Variants in ABCC12 observed in about 807,000 individuals in gnomAD.
ABCC12 encodes ATP binding cassette subfamily C member 12.
In ABCC12, 142 loss-of-function variants were observed where a neutral mutation model predicts 151.1. The observed-to-expected ratio is 0.94, with a 90% CI of 0.82 to 1.08. The LOEUF is 1.08. Among genes scored for constraint, ABCC12 ranks in the 50% least tolerant of loss-of-function variants. The pLI is 0.00. For synonymous variants in ABCC12, 645 were observed against 646.4 expected (o/e 1.00, Z 0.03); for missense variants, 1,638 against 1,691.1 (o/e 0.97, Z 0.55).
intron 13 of ABCC12, among the ~76,000 whole-genome samples, chr16:48,120,138 T>C (rs1409981998): frequency 6.6e-6 from 1 of 152,198 alleles, no homozygotes; most frequent in Non-Finnish European, 1.5e-5. Flanking sequence ...TAGAATACTA[T>C]GCAGCCGTAA....
At chr16:48,121,637 C>T (rs780467291) in intron 13 of ABCC12, 79 bp downstream of exon 13, 3 of 1,557,922 alleles carry the variant, frequency 1.9e-6, no homozygotes, top group Non-Finnish European at 8.8e-7. Flanking sequence ...ACTTAGCAGT[C>T]ATTACCAACA....
At chr16:48,105,863 C>T (rs1485664436) in intron 20 of ABCC12, among the ~76,000 whole-genome samples, 2 of 152,160 alleles carry the variant, frequency 1.3e-5, no homozygotes, top group Non-Finnish European at 2.9e-5. Flanking sequence ...CTTTCTTTTT[C>T]CCAAGGGGTA....
intron 13 of ABCC12, 94 bp from the exon 14 acceptor site, chr16:48,117,427 G>T: frequency 1.4e-6 from 2 of 1,385,922 alleles, no homozygotes; most frequent in Non-Finnish European, 2.0e-6. Context: ...TGTTGCTGGG[G>T]CAAGGCCAGG....
At chr16:48,114,579 T>C (rs1282015255) in intron 15 of ABCC12, among the ~76,000 whole-genome samples, 1 of 152,112 alleles carries the variant, frequency 6.6e-6, no homozygotes, top group Non-Finnish European at 1.5e-5. Flanking sequence ...CCAAGGAATC[T>C]CTCGTCGGGC....
At chr16:48,094,216 A>G (rs1240975175) in intron 24 of ABCC12, among the ~76,000 whole-genome samples, 6 of 152,240 alleles carry the variant, frequency 3.9e-5, no homozygotes, top group African/African-American at 1.4e-4. Flanking sequence ...CAATACAGGA[A>G]ACTGGTTACC....
intron 13 of ABCC12, among the ~76,000 whole-genome samples, chr16:48,118,152 C>T (rs888040397): frequency 1.3e-5 from 2 of 152,176 alleles, no homozygotes; most frequent in African/African-American, 2.4e-5. Context: ...AGCCCCACAG[C>T]GGTCCCCAGG....
Position 48,128,492 on chromosome 16 carries a change from C to T in ABCC12, c.1482G>A (p.Ser494=), listed in dbSNP as rs568804345. Residue 494 remains serine, a synonymous_variant, in exon 11 of 31, where the codon TCG becomes TCA. Coordinates refer to ENST00000311303, the MANE Select transcript of ABCC12 (RefSeq NM_001393797.1). ...GPEEQSDSLK[S]VLHSISFVVR... is the part of the protein sequence containing the mutation. ...CCACAAAGCTTATGCTGTGCAGAACCGATTTGAGGCTGTCACTTTGCTCCT... is the reference window on the plus strand; with the variant it reads ...CCACAAAGCTTATGCTGTGCAGAACTGATTTGAGGCTGTCACTTTGCTCCT... 2.2e-5 allele frequency: 36 copies of T among 1,614,088 alleles called. No individual in the cohort carries two copies. The Admixed American group carries it at 4.2e-4, about 19-fold the overall frequency.
At chr16:48,100,769 T>A (rs1963275952) in intron 23 of ABCC12, 103 bp downstream of exon 23, 1 of 1,365,386 alleles carries the variant, frequency 7.3e-7, no homozygotes. Context: ...TCTTTGTCTG[T>A]GATCAGTCCC....
intron 2 of ABCC12, among the ~76,000 whole-genome samples, chr16:48,148,113 A>G (rs1233525232): frequency 6.6e-6 from 1 of 152,068 alleles, no homozygotes; most frequent in Non-Finnish European, 1.5e-5. Context: ...GCGTCTGGCT[A>G]ATTTTTGTAT....
At chr16:48,091,065 C>T (rs1477755497) in intron 25 of ABCC12, 55 bp downstream of exon 25, 2 of 1,553,906 alleles carry the variant, frequency 1.3e-6, no homozygotes, top group Middle Eastern at 1.7e-4. Flanking sequence ...CCAGTATTTG[C>T]CCAAGTCCTG....
rs1962625200 is a variant in ABCC12 at position 48,086,779 on chromosome 16, G to A, written c.3676C>T (p.Leu1226Phe). The A allele has an allele frequency of 1.9e-6, 3 of 1,614,068 alleles. No individual in the cohort carries two copies. Among genetic ancestry groups the A allele is most frequent in the South Asian group, 2.2e-5 (2 of 91,074 alleles). ...AATGTTCTCTCCAGAACCTGCCAGAGCATCTCATCGGTGTGACTCTCAAAG... is the reference window on the plus strand; with the variant it reads ...AATGTTCTCTCCAGAACCTGCCAGAACATCTCATCGGTGTGACTCTCAAAG... ...DPFESHTDEMLWQVLERTFMR... is the reference protein window; with the variant it reads ...DPFESHTDEMFWQVLERTFMR... The change falls in exon 28 of 31, where the codon CTC becomes TTC. Residue 1226 changes from leucine (L) to phenylalanine (F), a missense_variant. Physicochemically the swap from Leu to Phe is conservative, Grantham distance 22. Coordinates refer to ENST00000311303, the MANE Select transcript of ABCC12 (RefSeq NM_001393797.1).
intron 9 of ABCC12, among the ~76,000 whole-genome samples, chr16:48,132,462 G>C (rs898182264): frequency 6.6e-6 from 1 of 152,186 alleles, no homozygotes; most frequent in Middle Eastern, 3.4e-3. Context: ...TTCCTCCCCC[G>C]TGAGGTCCCT....
chr16:48,088,221 T>A, intron 26 of ABCC12, 136 bp from the exon 27 acceptor site: 4 of 1,043,068 alleles, frequency 3.8e-6, no homozygotes, highest in Non-Finnish European at 5.5e-6. Context: ...GAAAGTGTCC[T>A]CACCAGGGTG....
At chr16:48,152,040 G>T (rs995361231) in intron 2 of ABCC12, among the ~76,000 whole-genome samples, 2 of 152,190 alleles carry the variant, frequency 1.3e-5, no homozygotes, top group African/African-American at 4.8e-5. Flanking sequence ...CCAGACTTAG[G>T]TAAGAGTCGA....
chr16:48,105,666 A>G (rs934863340), intron 20 of ABCC12, among the ~76,000 whole-genome samples: 5 of 152,210 alleles, frequency 3.3e-5, no homozygotes, highest in African/African-American at 1.2e-4. Flanking sequence ...TGGGCTGGGA[A>G]GATCAGAGAG....
At chr16:48,097,567 C>T (rs1056161772) in intron 23 of ABCC12, among the ~76,000 whole-genome samples, 4 of 152,156 alleles carry the variant, frequency 2.6e-5, no homozygotes, top group Non-Finnish European at 4.4e-5. Context: ...AGCGGAGTGA[C>T]AGGGAGATGA....
intron 7 of ABCC12, 151 bp downstream of exon 7, chr16:48,139,012 A>C: frequency 1.1e-6 from 1 of 929,412 alleles, no homozygotes; most frequent in Non-Finnish European, 1.6e-6. Context: ...AACAAACAAA[A>C]AACCACTACT....
At chr16:48,134,137 A>G (rs575389450) in intron 8 of ABCC12, among the ~76,000 whole-genome samples, 25 of 152,298 alleles carry the variant, frequency 1.6e-4, no homozygotes, top group African/African-American at 5.5e-4. Context: ...TAATGAAGGA[A>G]GTGGGGCCAG....
intron 20 of ABCC12, among the ~76,000 whole-genome samples, chr16:48,106,574 C>G (rs1399139895): frequency 6.6e-6 from 1 of 152,166 alleles, no homozygotes; most frequent in Non-Finnish European, 1.5e-5. Context: ...AGAGATGGCT[C>G]TCTATTTCTG....
Sources: allele counts gnomAD v4.1 joint callset (sites outside exome capture counted in the v4.1 genomes callset), GRCh38; gene constraint gnomAD v4.1.1; transcripts MANE v1.5; gene names NCBI Gene and HGNC (gene_info 2026-07-23, HGNC 2026-07-21).